The following EPHA5 variants were observed in gnomAD, a reference collection of about 807,000 sequenced individuals.
EPHA5 encodes EPH receptor A5.
EPHA5 carries 60 observed loss-of-function variants against 105.0 expected under a neutral mutation model. That is an observed-to-expected ratio of 0.57 (90% CI 0.46 to 0.71). EPHA5 has a LOEUF of 0.71. EPHA5 is among the 30% of genes least tolerant of loss of function. The pLI, the probability that EPHA5 is intolerant of heterozygous loss-of-function variation, is 0.00. For missense variants in EPHA5, 1,218 were observed against 1,274.7 expected (o/e 0.96, Z 0.68); for synonymous variants, 513 against 449.1 (o/e 1.14, Z -1.80).
At chr4:65,554,143 A>G (rs1392143195) in intron 3 of EPHA5, among the ~76,000 whole-genome samples, 1 of 151,014 alleles carries the variant, frequency 6.6e-6, no homozygotes, top group East Asian at 1.9e-4. Flanking sequence ...TGAAGAGTCC[A>G]AGCAAGTAAG....
chr4:65,331,787 A>G, intron 16 of EPHA5, 186 bp downstream of exon 16: 2 of 1,254,670 alleles, frequency 1.6e-6, no homozygotes, highest in Non-Finnish European at 2.0e-6. Context: ...AGAAGCAAAG[A>G]TACTGGCCAC....
intron 8 of EPHA5, among the ~76,000 whole-genome samples, chr4:65,384,059 A>C (rs550433664): frequency 2.0e-4 from 31 of 152,004 alleles, no homozygotes; most frequent in African/African-American, 7.5e-4. Context: ...CCTGCCATTA[A>C]TGAGTCAGGA....
intron 8 of EPHA5, among the ~76,000 whole-genome samples, chr4:65,374,494 G>GATCAAAA (rs1718794931): frequency 6.6e-6 from 1 of 151,866 alleles, no homozygotes; most frequent in Non-Finnish European, 1.5e-5. Flanking sequence ...AAACATGAAA[G>GATCAAAA]ATCAAAAATT....
At chr4:65,496,380 TC>T (rs1184797232) in intron 3 of EPHA5, among the ~76,000 whole-genome samples, 1 of 79,164 alleles carries the variant, frequency 1.3e-5, no homozygotes, top group African/African-American at 5.1e-5. Context: ...CCCTCCCCCC[TC>T]CCCCCACCCC....
In EPHA5 at chr4:65,519,489, A is replaced by T. The variant is rs543831658; in HGVS notation, c.911-23946T>A. ...GCACAAGACAGGGATGCCCTCTCTC[A>T]CCACTCCTCTTCAACATAGTGTTGG... On this transcript the variant is annotated intron_variant, in intron 3 of 16. Coordinates refer to ENST00000613740, the MANE Select transcript of EPHA5 (RefSeq NM_001281766.3). Among the ~76,000 whole-genome samples the T allele has an allele frequency of 1.1e-4, 16 of 152,228 alleles. 1 individual carries two copies. The highest frequency in any genetic ancestry group is 3.6e-4 in the African/African-American group (15 of 41,554).
At chr4:65,576,069 A>G (rs903338462) in intron 3 of EPHA5, among the ~76,000 whole-genome samples, 1 of 80,144 alleles carries the variant, frequency 1.2e-5, no homozygotes, top group Non-Finnish European at 2.5e-5. Context: ...AAAAGAAAAG[A>G]AAAGAAAAGA....
chr4:65,431,269 T>C (rs1422341980), intron 5 of EPHA5, among the ~76,000 whole-genome samples: 1 of 152,160 alleles, frequency 6.6e-6, no homozygotes, highest in Non-Finnish European at 1.5e-5. Context: ...GGAATACACA[T>C]GTAAACACTT....
chr4:65,326,159 G>C (rs1217050260), intron 16 of EPHA5, among the ~76,000 whole-genome samples: 1 of 150,474 alleles, frequency 6.6e-6, no homozygotes, highest in Non-Finnish European at 1.5e-5. Flanking sequence ...CATCCTGTAT[G>C]CTAGAAATAT....
chr4:65,328,084 A>T (rs533469499), intron 16 of EPHA5, among the ~76,000 whole-genome samples: 1 of 151,296 alleles, frequency 6.6e-6, no homozygotes, highest in Admixed American at 6.6e-5. Context: ...GTATGTTCCC[A>T]TTATAAGTAT....
At chr4:65,361,356 G>T (rs1282663632) in intron 11 of EPHA5, among the ~76,000 whole-genome samples, 3 of 151,610 alleles carry the variant, frequency 2.0e-5, no homozygotes, top group Non-Finnish European at 4.4e-5. Context: ...CAAGAATAAG[G>T]TAGAGTTTTC....
intron 12 of EPHA5, among the ~76,000 whole-genome samples, chr4:65,352,835 A>G (rs1722947352): frequency 6.7e-6 from 1 of 149,372 alleles, no homozygotes; most frequent in African/African-American, 2.5e-5. Context: ...TTAGGGGCAT[A>G]TAATTTGGAT....
At chr4:65,638,636 G>A (rs112335994) in intron 2 of EPHA5, among the ~76,000 whole-genome samples, 37,819 of 152,082 alleles carry the variant, frequency 0.25, 5,600 homozygotes, top group Middle Eastern at 0.41. Flanking sequence ...CTACTCGGAA[G>A]GCTGAGGCAG....
chr4:65,537,463 G>A (rs1203986942), intron 3 of EPHA5, among the ~76,000 whole-genome samples: 1 of 151,662 alleles, frequency 6.6e-6, no homozygotes, highest in Admixed American at 6.6e-5. Flanking sequence ...CTACCCTATA[G>A]AATATACTTC....
intron 1 of EPHA5, among the ~76,000 whole-genome samples, chr4:65,661,471 G>A (rs951524321): frequency 6.6e-6 from 1 of 152,158 alleles, no homozygotes; most frequent in Non-Finnish European, 1.5e-5. Flanking sequence ...TTCAAACACA[G>A]CAGTTTTCAA....
chr4:65,568,290 G>T (rs1350530158), intron 3 of EPHA5, among the ~76,000 whole-genome samples: 1 of 151,446 alleles, frequency 6.6e-6, no homozygotes, highest in African/African-American at 2.4e-5. Context: ...GTAAGTAGGA[G>T]AATTGAATAT....
intron 16 of EPHA5, among the ~76,000 whole-genome samples, chr4:65,324,675 G>A (rs1719904680): frequency 2.0e-5 from 3 of 149,424 alleles, no homozygotes; most frequent in Non-Finnish European, 3.0e-5. Flanking sequence ...ATTCTATACA[G>A]TAATTTTATA....
intron 5 of EPHA5, among the ~76,000 whole-genome samples, chr4:65,485,330 C>T (rs1481810375): frequency 1.3e-5 from 2 of 151,886 alleles, no homozygotes; most frequent in East Asian, 3.9e-4. Flanking sequence ...TTTTTTCTTG[C>T]TTTTCTCCCC....
chr4:65,441,864 A>ACTT (rs1481905380), intron 5 of EPHA5, among the ~76,000 whole-genome samples: 2 of 152,148 alleles, frequency 1.3e-5, no homozygotes, highest in African/African-American at 4.8e-5. Context: ...AATCAATTGC[A>ACTT]CTTCTTGATT....
At chr4:65,339,882 G>T (rs1560427194) in intron 14 of EPHA5, among the ~76,000 whole-genome samples, 1 of 152,144 alleles carries the variant, frequency 6.6e-6, no homozygotes, top group South Asian at 2.1e-4. Context: ...GACATGGGGA[G>T]AACCCGCATG....
Sources: allele counts gnomAD v4.1 joint callset (sites outside exome capture counted in the v4.1 genomes callset), GRCh38; gene constraint gnomAD v4.1.1; transcripts MANE v1.5; gene names NCBI Gene and HGNC (gene_info 2026-07-23, HGNC 2026-07-21).